DENND4C: variants seen among roughly 807,000 people sequenced by gnomAD.
DENND4C encodes the protein DENN domain containing 4C.
DENND4C carries 108 observed loss-of-function variants against 203.0 expected under a neutral mutation model. The ratio of observed to expected loss-of-function variants is 0.53; its 90% CI spans 0.46 to 0.62. DENND4C has a LOEUF of 0.62. Ranked by LOEUF, DENND4C falls within the 20% of genes least tolerant of loss-of-function variation. The pLI, the probability that DENND4C is intolerant of heterozygous loss-of-function variation, is 0.00. For missense variants in DENND4C, 2,481 were observed against 2,301.2 expected (o/e 1.08, Z -1.60); for synonymous variants, 871 against 792.4 (o/e 1.10, Z -1.67).
At chr9:19,349,642 C>T (rs1039035422) in intron 23 of DENND4C, among the ~76,000 whole-genome samples, 10 of 151,908 alleles carry the variant, frequency 6.6e-5, no homozygotes, top group East Asian at 1.9e-4. Context: ...ACTTTCATCC[C>T]GAGTTTAAGG....
At chr9:19,299,334 A>T (rs767400430) in intron 8 of DENND4C, 47 bp downstream of exon 8, 2 of 1,294,634 alleles carry the variant, frequency 1.5e-6, no homozygotes, top group Non-Finnish European at 2.1e-6. Context: ...TTGGAGCAGA[A>T]TGCTTTAAAA....
chr9:19,325,799 C>T (rs952510452), intron 13 of DENND4C, 140 bp from the exon 14 acceptor site: 7 of 754,062 alleles, frequency 9.3e-6, no homozygotes, highest in Non-Finnish European at 1.3e-5. Flanking sequence ...ATGTATTCAG[C>T]CTAAAAATAT....
chr9:19,272,134 A>C (rs1662582969), intron 1 of DENND4C, among the ~76,000 whole-genome samples: 1 of 151,610 alleles, frequency 6.6e-6, no homozygotes. Flanking sequence ...TAAAAGAGAG[A>C]CTGGCCCAGG....
intron 8 of DENND4C, 83 bp from the exon 9 acceptor site, chr9:19,300,104 C>T (rs372137557): frequency 7.5e-7 from 1 of 1,333,388 alleles, no homozygotes; most frequent in East Asian, 2.5e-5. Context: ...GACTCTCAAT[C>T]TGTTGATACT....
In DENND4C at chr9:19,336,775, A is replaced by G. The variant is rs1316498590; in HGVS notation, c.2824A>G (p.Thr942Ala). The G allele has an allele frequency of 6.4e-7, 1 of 1,550,918 alleles. No homozygotes were observed. Among genetic ancestry groups the G allele is most frequent in the South Asian group, 1.2e-5 (1 of 84,066 alleles). ...TAATGATGCTAACAATGGGGAGCACACAGTCTTCGTCAGAGATTTAATCAG... is the reference window on the plus strand; with the variant it reads ...TAATGATGCTAACAATGGGGAGCACGCAGTCTTCGTCAGAGATTTAATCAG... ...SSNDANNGEHTVFVRDLIRLE... is the reference protein window; with the variant it reads ...SSNDANNGEHAVFVRDLIRLE... The change falls in exon 20 of 33, where the codon ACA becomes GCA. Residue 942 changes from threonine to alanine, a missense_variant. Thr to Ala is a moderately conservative substitution (Grantham distance 58). This residue lies in a region of DENND4C where 2,289 missense variants were observed against 2,113.3 expected (regional missense o/e 1.08). Transcript: ENST00000434457.
Position 19,319,383 on chromosome 9 carries a change from T to TATATATATACATATATATATACACAC in DENND4C, c.1807+2554_1807+2579dup, listed in dbSNP as rs1563799208. On this transcript the variant is annotated intron_variant, in intron 12 of 32. Coordinates refer to ENST00000434457, the MANE Select transcript of DENND4C (RefSeq NM_001330640.2). ...ATACACACATATATATACACATACA[T>TATATATATACATATATATATACACAC]ATATATATACATATATATATACACA... Among the ~76,000 whole-genome samples, 79 of 133,320 alleles carry TATATATATACATATATATATACACAC rather than the reference T, an allele frequency of 5.9e-4. 1 individual carries two copies. The Middle Eastern group carries it at 0.015, about 26-fold the overall frequency. 87.5% of individuals were successfully genotyped at this position (133,320 alleles called of 152,430 possible).
chr9:19,368,979 A>G (rs922231606), intron 30 of DENND4C, among the ~76,000 whole-genome samples: 6 of 151,682 alleles, frequency 4.0e-5, no homozygotes, highest in African/African-American at 1.5e-4. Flanking sequence ...GCAAGACCCT[A>G]TCTCTACAAA....
At chr9:19,290,280 G>C (rs950365036) in intron 4 of DENND4C, among the ~76,000 whole-genome samples, 5 of 152,142 alleles carry the variant, frequency 3.3e-5, no homozygotes, top group Non-Finnish European at 7.3e-5. Flanking sequence ...GATGAGTTTA[G>C]GGGCTGTGAT....
chr9:19,274,629 T>C (rs560483797), intron 1 of DENND4C, among the ~76,000 whole-genome samples: 96 of 152,108 alleles, frequency 6.3e-4, no homozygotes, highest in Non-Finnish European at 1.2e-3. Flanking sequence ...GTGGTAATGG[T>C]TTTATTGGTT....
chr9:19,359,714 T>C (rs1826073455), intron 28 of DENND4C, among the ~76,000 whole-genome samples: 1 of 152,192 alleles, frequency 6.6e-6, no homozygotes, highest in Admixed American at 6.5e-5. Flanking sequence ...GATTATAATA[T>C]GCATAACTCA....
intron 2 of DENND4C, among the ~76,000 whole-genome samples, chr9:19,279,544 G>A (rs1430798676): frequency 1.3e-5 from 2 of 151,952 alleles, no homozygotes; most frequent in African/African-American, 4.8e-5. Context: ...GGGCATGGTG[G>A]CGAGCACCTG....
intron 10 of DENND4C, among the ~76,000 whole-genome samples, chr9:19,306,745 G>GTATTTATTTAT (rs371006198): frequency 7.0e-6 from 1 of 142,246 alleles, no homozygotes; most frequent in African/African-American, 2.6e-5. Context: ...TTGCACAATT[G>GTATTTATTTAT]TATTTATTTA....
At chr9:19,243,425 A>G (rs959637207) in intron 1 of DENND4C, among the ~76,000 whole-genome samples, 1 of 152,196 alleles carries the variant, frequency 6.6e-6, no homozygotes, top group African/African-American at 2.4e-5. Context: ...CGGCACATTC[A>G]CAATGTCATG....
At chr9:19,356,788 T>TGTGTGAGAGAGAGAGAGA (rs1266119304) in intron 26 of DENND4C, among the ~76,000 whole-genome samples, 184 bp from the exon 27 acceptor site, 1 of 140,382 alleles carries the variant, frequency 7.1e-6, no homozygotes, top group African/African-American at 2.8e-5. Context: ...TGTGTGTGTG[T>TGTGTGAGAGAGAGAGAGA]GAGAGAGAGA....
At chr9:19,304,957 G>C (rs568409653) in intron 9 of DENND4C, among the ~76,000 whole-genome samples, 2 of 150,394 alleles carry the variant, frequency 1.3e-5, no homozygotes, top group African/African-American at 4.9e-5. Flanking sequence ...ATTTTGATCT[G>C]AGGTAATTTT....
intron 1 of DENND4C, among the ~76,000 whole-genome samples, chr9:19,263,749 G>A (rs894532926): frequency 2.0e-5 from 3 of 151,660 alleles, no homozygotes; most frequent in African/African-American, 7.3e-5. Flanking sequence ...CTGCCTTCCG[G>A]GTTCAAGCGA....
chr9:19,340,076 CTCTG>C (rs1237595980), intron 20 of DENND4C, among the ~76,000 whole-genome samples: 4 of 152,188 alleles, frequency 2.6e-5, no homozygotes, highest in Non-Finnish European at 5.9e-5. Flanking sequence ...CTTGTACCTT[CTCTG>C]TCTGAGCTCT....
At chr9:19,269,655 CTG>C (rs1831220131) in intron 1 of DENND4C, among the ~76,000 whole-genome samples, 1 of 152,184 alleles carries the variant, frequency 6.6e-6, no homozygotes, top group African/African-American at 2.4e-5. Context: ...AATTCCTTCT[CTG>C]TATTATCTTG....
chr9:19,263,409 T>TGCAATGGCATGATCTCG (rs1433286523), intron 1 of DENND4C, among the ~76,000 whole-genome samples: 1 of 152,130 alleles, frequency 6.6e-6, no homozygotes, highest in African/African-American at 2.4e-5. Context: ...CAGGCTAGAG[T>TGCAATGGCATGATCTCG]GCAATGGCAT....
Sources: gnomAD v4.1 joint callset for allele counts (sites outside exome capture counted in the v4.1 genomes callset) on GRCh38, gnomAD v4.1.1 for gene constraint, gnomAD v4.1.1 regional missense constraint, MANE v1.5 for transcripts, NCBI Gene and HGNC (gene_info 2026-07-23, HGNC 2026-07-21) for gene names.